CASS4: variants seen among roughly 807,000 people sequenced by gnomAD.
The protein encoded by CASS4 is cas scaffolding protein family member 4.
In CASS4, 22 loss-of-function variants were observed where a neutral mutation model predicts 54.2. The observed-to-expected ratio is 0.41, with a 90% confidence interval of 0.29 to 0.58. CASS4 has a LOEUF of 0.58. CASS4 is among the 20% of genes least tolerant of loss of function. The probability of loss-of-function intolerance (pLI) is 0.36; values close to 1 mark genes in which losing one functional copy is unlikely to be tolerated. For synonymous variants in CASS4, 409 were observed against 391.5 expected, an observed-to-expected ratio of 1.04 and a Z score of -0.53; for missense variants, 854 against 986.7, an observed-to-expected ratio of 0.87 and a Z score of 1.80.
intron 1 of CASS4, among the ~76,000 whole-genome samples, chr20:56,434,894 G>A (rs73285302): frequency 9.9e-5 from 15 of 152,194 alleles, no homozygotes; most frequent in African/African-American, 3.4e-4. Flanking sequence ...AAAAACCGAA[G>A]GATTAACAGC....
At chr20:56,442,011 A>AGTCAGGTTTACTGAGTGTAAAGAGGGAG (rs1980484191) in intron 2 of CASS4, among the ~76,000 whole-genome samples, 12 of 151,974 alleles carry the variant, frequency 7.9e-5, no homozygotes, top group African/African-American at 2.9e-4. Context: ...CCGCCCAGAA[A>AGTCAGGTTTACTGAGTGTAAAGAGGGAG]ATACATTCCA....
At chr20:56,455,496 C>G (rs1981246218) in intron 5 of CASS4, among the ~76,000 whole-genome samples, 1 of 152,240 alleles carries the variant, frequency 6.6e-6, no homozygotes, top group African/African-American at 2.4e-5. Context: ...TCCTGATGCT[C>G]AGCTCCCTGA....
chr20:56,446,993 A>AGGT (rs1980745569), intron 3 of CASS4, among the ~76,000 whole-genome samples: 1 of 152,138 alleles, frequency 6.6e-6, no homozygotes, highest in African/African-American at 2.4e-5. Flanking sequence ...GGATCACTTG[A>AGGT]CACTAGGAGT....
At chr20:56,412,157 A>G, upstream of CASS4, 1 of 414,128 alleles carries the variant, frequency 2.4e-6, no homozygotes, top group South Asian at 2.6e-5. This position sits in a 1 kb window ranked among gnomAD's most constrained non-coding sequence, Gnocchi z 4.2. Flanking sequence ...GTGGTTTCAC[A>G]TAGCAAATGA....
chr20:56,449,758 T>G (rs6099150), intron 3 of CASS4, among the ~76,000 whole-genome samples: 9,697 of 152,198 alleles, frequency 0.064, 1,069 homozygotes, highest in African/African-American at 0.22. Flanking sequence ...AATGAGTCTC[T>G]CATACCCTGT....
At chr20:56,458,135 A>G (rs1326608087) in intron 5 of CASS4, among the ~76,000 whole-genome samples, 1 of 151,660 alleles carries the variant, frequency 6.6e-6, no homozygotes, top group African/African-American at 2.4e-5. Flanking sequence ...ATGTATTACA[A>G]TATAATATTG....
chr20:56,439,247 C>A (rs1019564438), intron 2 of CASS4, among the ~76,000 whole-genome samples: 24 of 152,044 alleles, frequency 1.6e-4, no homozygotes, highest in African/African-American at 5.6e-4. Context: ...CTGTTCACTG[C>A]AGCCTCAAAC....
At chr20:56,458,294 C>A (rs1348403084) in intron 5 of CASS4, 46 bp from the exon 6 acceptor site, 2 of 1,552,498 alleles carry the variant, frequency 1.3e-6, no homozygotes, top group East Asian at 4.5e-5. Flanking sequence ...ACAGCCACAG[C>A]CCATTGATTG....
rs777847231 is a variant in CASS4 at position 56,458,738 on chromosome 20, A to G, written c.2352A>G (p.Thr784=). The G allele has an allele frequency of 6.2e-7, 1 of 1,603,054 alleles. No homozygotes were observed. Among genetic ancestry groups the G allele is most frequent in the Non-Finnish European group, 8.5e-7 (1 of 1,173,660 alleles). Residue 784 remains threonine, a synonymous_variant, in exon 6 of 6, where the codon ACA becomes ACG. Coordinates refer to ENST00000679887, the MANE Select transcript of CASS4 (RefSeq NM_020356.4). The part of the protein sequence containing the change: ...LEQHTRQFRG[T]LG ...AACACACGCGGCAGTTCAGAGGGAC[A>G]CTGGGATGAGGACTGTCTACCTCCC...
intron 1 of CASS4, among the ~76,000 whole-genome samples, chr20:56,419,456 A>G (rs945522304): frequency 6.6e-6 from 1 of 151,862 alleles, no homozygotes; most frequent in African/African-American, 2.4e-5. Context: ...CACTTCCCCC[A>G]CACCACCCCC....
chr20:56,442,322 A>G (rs2146286295), intron 2 of CASS4, among the ~76,000 whole-genome samples: 1 of 151,966 alleles, frequency 6.6e-6, no homozygotes, highest in Non-Finnish European at 1.5e-5. Flanking sequence ...CATTTTACAG[A>G]TGAGGACATT....
At position 56,453,037 on chromosome 20, in the gene CASS4, T is replaced by C. The variant is rs773990506; in HGVS notation, c.1861T>C (p.Ser621Pro). ...YIQPPQRETE[S>P]HQKSTPSTKQ... ...CCAGCCTCCCCAAAGAGAAACTGAA[T>C]CACACCAAAAGAGTACCCCTTCCAC... is the stretch of plus-strand genomic sequence containing the variant. The change falls in exon 5 of 6, where the codon TCA (serine) becomes CCA (proline). Residue 621 changes from serine (S) to proline (P), a missense_variant. Ser to Pro is a moderately conservative substitution (Grantham distance 74). Coordinates refer to ENST00000679887, the MANE Select transcript of CASS4 (RefSeq NM_020356.4). The C allele has an allele frequency of 1.2e-6, 2 of 1,614,052 alleles. No homozygotes were observed. Among genetic ancestry groups the C allele is most frequent in the African/African-American group, 1.3e-5 (1 of 74,996 alleles).
intron 1 of CASS4, among the ~76,000 whole-genome samples, chr20:56,418,178 A>G (rs368083547): frequency 1.6e-4 from 24 of 152,260 alleles, no homozygotes; most frequent in African/African-American, 5.1e-4. Flanking sequence ...AGGAGAAAAC[A>G]GGGGGATCTG....
intron 4 of CASS4, among the ~76,000 whole-genome samples, chr20:56,451,455 C>T (rs889382161): frequency 6.6e-6 from 1 of 152,204 alleles, no homozygotes; most frequent in Admixed American, 6.5e-5. Context: ...GCTGGCATTT[C>T]GCCGTGTCAG....
intron 2 of CASS4, among the ~76,000 whole-genome samples, chr20:56,442,558 A>G (rs1980512299): frequency 1.3e-5 from 2 of 151,752 alleles, no homozygotes; most frequent in Non-Finnish European, 2.9e-5. Context: ...CCACCCCAGA[A>G]GCCTCCAGTG....
At chr20:56,456,538 T>C (rs535001688) in intron 5 of CASS4, among the ~76,000 whole-genome samples, 8 of 151,938 alleles carry the variant, frequency 5.3e-5, no homozygotes, top group Non-Finnish European at 8.8e-5. Context: ...CACACCCGGC[T>C]AATTTTTTGT....
In CASS4 at chr20:56,412,916, T is replaced by A. The variant is rs543646591; in HGVS notation, c.36+422T>A. ...AGAGCCCAGACCCTTGCCTGCAGCC[T>A]CCCGTGCTGAGCCCACAGTGGGCAC... On this transcript the variant is annotated intron_variant, in intron 1 of 5. Coordinates refer to ENST00000679887, the MANE Select transcript of CASS4 (RefSeq NM_020356.4). This position sits in a 1 kb window ranked among gnomAD's most constrained non-coding sequence, Gnocchi z 4.2. Among the ~76,000 whole-genome samples the A allele has an allele frequency of 6.6e-6, 1 of 152,298 alleles. No individual in the cohort carries two copies. Among genetic ancestry groups the A allele is most frequent in the Non-Finnish European group, 1.5e-5 (1 of 68,016 alleles).
upstream of CASS4, chr20:56,412,099 G>A (rs751606769): frequency 8.6e-5 from 27 of 312,268 alleles, no homozygotes; most frequent in African/African-American, 3.8e-4. This position sits in a 1 kb window ranked among gnomAD's most constrained non-coding sequence, Gnocchi z 4.2. Flanking sequence ...TAGGAACTTC[G>A]CCCTATAAAG....
At chr20:56,456,028 G>A (rs1279924363) in intron 5 of CASS4, among the ~76,000 whole-genome samples, 1 of 151,708 alleles carries the variant, frequency 6.6e-6, no homozygotes, top group Admixed American at 6.6e-5. Flanking sequence ...ATAATAATGT[G>A]CATTTCTAGC....
Sources: gnomAD v4.1 joint callset for allele counts (sites outside exome capture counted in the v4.1 genomes callset) on GRCh38, gnomAD v4.1.1 for gene constraint, Gnocchi (gnomAD v3.1) non-coding constraint, MANE v1.5 for transcripts, NCBI Gene and HGNC (gene_info 2026-07-23, HGNC 2026-07-21) for gene names.